Variants in DMD observed in about 807,000 individuals in gnomAD.
DMD encodes mutant dystrophin.
Under a neutral mutation model 330.1 loss-of-function variants are expected in DMD, and 63 were observed. That is an observed-to-expected ratio of 0.19 (90% confidence interval 0.16 to 0.24). The LOEUF (loss-of-function observed/expected upper bound fraction) is 0.24, where lower values mean the gene tolerates loss of function less well. Ranked by LOEUF, DMD falls within the 10% of genes least tolerant of loss-of-function variation. DMD has a pLI of 1.00. For missense variants in DMD, 3,344 were observed against 2,684.1 expected (o/e 1.25, Z -5.43); for synonymous variants, 1,223 against 959.8 (o/e 1.27, Z -5.07).
At position 32,708,817 on chromosome X, in the gene DMD, T is replaced by C. The variant is rs555181302; in HGVS notation, c.650-9524A>G. Among the ~76,000 whole-genome samples the C allele has an allele frequency of 1.4e-4, 16 of 111,763 alleles. No individual in the cohort carries two copies. The East Asian group carries it at 4.5e-3, about 31-fold the overall frequency. ...GGGATGGTGTCATGGTGGTATCATA[T>C]GTCATACGCAACATCAGAATAAGGG... On this transcript the variant is annotated intron_variant, in intron 7 of 78. Transcript: ENST00000357033.
intron 54 of DMD, among the ~76,000 whole-genome samples, chrX:31,645,876 T>C (rs778007891): frequency 1.8e-4 from 20 of 112,099 alleles, no homozygotes; most frequent in Non-Finnish European, 3.4e-4. Flanking sequence ...TCTGTTCGCT[T>C]TGATTTAACT....
chrX:31,904,093 A>G (rs1223664046), intron 47 of DMD, among the ~76,000 whole-genome samples: 1 of 111,684 alleles, frequency 9.0e-6, no homozygotes, highest in Non-Finnish European at 1.9e-5. Context: ...TCTCTTAGAG[A>G]AAAATATTTC....
intron 54 of DMD, among the ~76,000 whole-genome samples, chrX:31,651,460 G>C (rs185278553): frequency 4.8e-4 from 54 of 111,535 alleles, no homozygotes; most frequent in African/African-American, 1.7e-3. Flanking sequence ...CAGAGAACTT[G>C]CACTGATCAT....
intron 6 of DMD, among the ~76,000 whole-genome samples, chrX:32,815,520 T>TATATATATATATATAATATATATACAC: frequency 1.3e-5 from 1 of 78,959 alleles, no homozygotes; most frequent in African/African-American, 5.3e-5. Context: ...TATATATATA[T>TATATATATATATATAATATATATACAC]ACACACACAC....
intron 1 of DMD, among the ~76,000 whole-genome samples, chrX:33,099,398 C>T (rs2095213611): frequency 9.0e-6 from 1 of 110,910 alleles, no homozygotes; most frequent in Non-Finnish European, 1.9e-5. Context: ...CCAGGGGCCA[C>T]CTGCATCACA....
At chrX:32,739,615 G>A (rs183029292) in intron 7 of DMD, among the ~76,000 whole-genome samples, 1 of 112,045 alleles carries the variant, frequency 8.9e-6, no homozygotes, top group Non-Finnish European at 1.9e-5. Flanking sequence ...ATTATTAACA[G>A]ACCAGTGGTT....
At chrX:31,558,315 TTC>T (rs771821141) in intron 55 of DMD, among the ~76,000 whole-genome samples, 104 of 111,597 alleles carry the variant, frequency 9.3e-4, no homozygotes, top group South Asian at 2.3e-3. Context: ...TATGACCTCT[TTC>T]TCTCTCTTTG....
intron 57 of DMD, among the ~76,000 whole-genome samples, chrX:31,492,242 G>C (rs2069378036): frequency 8.9e-6 from 1 of 112,553 alleles, no homozygotes; most frequent in Non-Finnish European, 1.9e-5. Context: ...ATTAGATCTT[G>C]ATGGAATTTT....
intron 78 of DMD, 134 bp downstream of exon 78, chrX:31,126,508 A>G: frequency 1.8e-6 from 1 of 563,142 alleles, no homozygotes; most frequent in Non-Finnish European, 3.1e-6. Flanking sequence ...AGAGGTGACT[A>G]CCATCCTTAC....
At chrX:33,160,987 T>C (rs764742347) in intron 1 of DMD, among the ~76,000 whole-genome samples, 3 of 112,142 alleles carry the variant, frequency 2.7e-5, no homozygotes, top group Non-Finnish European at 5.6e-5. Flanking sequence ...TCTAATAATT[T>C]CTCCCCAAAT....
intron 73 of DMD, among the ~76,000 whole-genome samples, chrX:31,171,477 C>T (rs113547379): frequency 0.034 from 2,801 of 81,431 alleles, 94 homozygotes; most frequent in African/African-American, 0.099. Context: ...GGTGAGATAT[C>T]CTTACTTTAT....
At chrX:33,315,443 C>T (rs1303630824) in intron 1 of DMD, among the ~76,000 whole-genome samples, 2 of 111,698 alleles carry the variant, frequency 1.8e-5, no homozygotes, top group Non-Finnish European at 3.8e-5. Context: ...GTGTTCCATG[C>T]CTACTACAAA....
chrX:32,517,861 C>A (rs932499736), intron 18 of DMD, 147 bp downstream of exon 18: 1 of 657,801 alleles, frequency 1.5e-6, no homozygotes, highest in Admixed American at 3.0e-5. Flanking sequence ...ATTTTGCTTG[C>A]TATCTAAAAT....
chrX:31,990,654 A>G (rs1244131777), intron 44 of DMD, among the ~76,000 whole-genome samples: 1 of 112,350 alleles, frequency 8.9e-6, no homozygotes, highest in African/African-American at 3.2e-5. Context: ...CAATTACTCA[A>G]TTTCATGCGG....
chrX:33,075,914 G>A (rs2094833630), intron 1 of DMD, among the ~76,000 whole-genome samples: 1 of 111,884 alleles, frequency 8.9e-6, no homozygotes, highest in Admixed American at 9.5e-5. Context: ...GACTGCCTTT[G>A]TAGGACTAAC....
rs554233479 is a variant in DMD at position 31,423,473 on chromosome X, G to A, written c.9084+21008C>T. On this transcript the variant is annotated intron_variant, in intron 60 of 78. Transcript: ENST00000357033. ...GTGATTATAAGAAACAAAATCCCTC[G>A]GAGATGCTGCCTTAAAATATTTTTC... Among the ~76,000 whole-genome samples the A allele has an allele frequency of 1.3e-4, 14 of 111,493 alleles. No individual in the cohort carries two copies. In the South Asian group the frequency reaches 4.2e-3, roughly 33 times the overall value.
intron 9 of DMD, among the ~76,000 whole-genome samples, chrX:32,656,342 T>C (rs1438598202): frequency 8.9e-6 from 1 of 111,746 alleles, no homozygotes; most frequent in Non-Finnish European, 1.9e-5. Context: ...GCAACAGGAC[T>C]ATGGATCCCT....
At chrX:32,540,146 A>C (rs1442816460) in intron 17 of DMD, among the ~76,000 whole-genome samples, 1 of 111,488 alleles carries the variant, frequency 9.0e-6, no homozygotes, top group African/African-American at 3.3e-5. Flanking sequence ...CTCCTGGATA[A>C]ATACCAATTA....
intron 3 of DMD, 119 bp downstream of exon 3, chrX:32,849,609 T>G (rs2080966921): frequency 7.4e-6 from 4 of 541,273 alleles, no homozygotes; most frequent in Non-Finnish European, 1.3e-5. Context: ...AAGGAATAGG[T>G]ATTGCTGTTT....
Sources: gnomAD v4.1 joint callset for allele counts (sites outside exome capture counted in the v4.1 genomes callset) on GRCh38, gnomAD v4.1.1 for gene constraint, MANE v1.5 for transcripts, NCBI Gene and HGNC (gene_info 2026-07-23, HGNC 2026-07-21) for gene names.